Variants in LIMD1 observed in about 807,000 individuals in gnomAD.
LIMD1 encodes the protein LIM domain containing 1.
In LIMD1, 23 loss-of-function variants were observed where a neutral mutation model predicts 58.4. The ratio of observed to expected loss-of-function variants is 0.39; its 90% CI spans 0.28 to 0.56. The LOEUF (loss-of-function observed/expected upper bound fraction) is 0.56. LIMD1 is among the 20% of genes least tolerant of loss of function. The probability of loss-of-function intolerance (pLI) is 0.57; values close to 1 mark genes in which losing one functional copy is unlikely to be tolerated. For synonymous variants in LIMD1, 334 were observed against 345.5 expected, an observed-to-expected ratio of 0.97 and a Z score of 0.37; for missense variants, 838 against 855.5, an observed-to-expected ratio of 0.98 and a Z score of 0.25.
At chr3:45,632,459 T>TG in intron 1 of LIMD1, 1 of 951,784 alleles carries the variant, frequency 1.1e-6, no homozygotes. Context: ...TGTCTGTGGC[T>TG]GGGGGTGTTC....
chr3:45,671,639 T>G (rs555407065), intron 4 of LIMD1, among the ~76,000 whole-genome samples: 1 of 152,348 alleles, frequency 6.6e-6, no homozygotes, highest in Non-Finnish European at 1.5e-5. Flanking sequence ...GTTAAACCAA[T>G]GATCCTCCAA....
At chr3:45,639,636 C>G (rs1390890384) in intron 2 of LIMD1, among the ~76,000 whole-genome samples, 1 of 152,110 alleles carries the variant, frequency 6.6e-6, no homozygotes, top group Non-Finnish European at 1.5e-5. Flanking sequence ...GGCCCTACCC[C>G]CTAATCCCGT....
intron 1 of LIMD1, among the ~76,000 whole-genome samples, chr3:45,607,950 C>G (rs975691311): frequency 2.9e-4 from 44 of 152,364 alleles, no homozygotes; most frequent in Non-Finnish European, 4.7e-4. Context: ...GGTTTTGCAT[C>G]TGCCAAAATG....
At chr3:45,622,407 CTT>C (rs1481175358) in intron 1 of LIMD1, among the ~76,000 whole-genome samples, 4 of 152,200 alleles carry the variant, frequency 2.6e-5, no homozygotes, top group African/African-American at 9.7e-5. Context: ...CACACTGTGA[CTT>C]TTCCTGTACA....
intron 2 of LIMD1, among the ~76,000 whole-genome samples, chr3:45,645,065 T>A (rs762711893): frequency 6.6e-6 from 1 of 152,108 alleles, no homozygotes; most frequent in Non-Finnish European, 1.5e-5. Context: ...ATCAAGAATG[T>A]GAGAAAGGAA....
In LIMD1 at chr3:45,673,450, A is replaced by C. The variant is rs567286806; in HGVS notation, c.1773-4A>C. Reference sequence around the variant, plus strand: ...ATTTATTGCTGCTTTGTTTCTCCCCACAGGGTGCTGGCCCCCAAGTGTGCA... The same window carrying C: ...ATTTATTGCTGCTTTGTTTCTCCCCCCAGGGTGCTGGCCCCCAAGTGTGCA... On this transcript the variant is annotated splice_polypyrimidine_tract_variant and splice_region_variant and intron_variant, in intron 5 of 7. Transcript: ENST00000273317. The C allele has an allele frequency of 6.2e-7, 1 of 1,613,690 alleles. No individual in the cohort carries two copies. Among genetic ancestry groups the C allele is most frequent in the Non-Finnish European group, 8.5e-7 (1 of 1,179,660 alleles).
chr3:45,598,934 T>A (rs1055983445), intron 1 of LIMD1, among the ~76,000 whole-genome samples: 1 of 152,178 alleles, frequency 6.6e-6, no homozygotes. Context: ...CCTTGGAAGC[T>A]GGTTCTGCCA....
Position 45,617,072 on chromosome 3 carries a change from C to T in LIMD1, c.1409-19078C>T, listed in dbSNP as rs373735733. Among the ~76,000 whole-genome samples, 3 of 135,364 alleles carry T rather than the reference C, an allele frequency of 2.2e-5. No homozygotes were observed. The East Asian group carries it at 6.9e-4, about 31-fold the overall frequency. 88.8% of individuals were successfully genotyped at this position (135,364 alleles called of 152,430 possible). A position where few individuals can be genotyped will look rare whatever the true frequency, so the allele number is the denominator to read the frequency against. On this transcript the variant is annotated intron_variant, in intron 1 of 7. Transcript: ENST00000273317. ...TTTTTGAGACAGAGTCTAGCTCTGTCGCCCAGGCTGGAGTGCAGTGGCACC... is the reference window on the plus strand; with the variant it reads ...TTTTTGAGACAGAGTCTAGCTCTGTTGCCCAGGCTGGAGTGCAGTGGCACC...
intron 2 of LIMD1, among the ~76,000 whole-genome samples, chr3:45,659,379 A>T (rs556873510): frequency 1.3e-5 from 2 of 152,286 alleles, no homozygotes; most frequent in South Asian, 2.1e-4. Flanking sequence ...TGAGCCCAGG[A>T]GTTGTTGACT....
chr3:45,643,691 G>A (rs901999205), intron 2 of LIMD1, among the ~76,000 whole-genome samples: 3 of 152,154 alleles, frequency 2.0e-5, no homozygotes, highest in Admixed American at 1.3e-4. Flanking sequence ...TACTCTCCCC[G>A]CCAGAAGCCC....
chr3:45,607,973 T>C (rs1701484795), intron 1 of LIMD1, among the ~76,000 whole-genome samples: 1 of 152,204 alleles, frequency 6.6e-6, no homozygotes, highest in Non-Finnish European at 1.5e-5. Context: ...GCCTGTTCCC[T>C]CCCCTCCTGC....
intron 1 of LIMD1, among the ~76,000 whole-genome samples, chr3:45,630,744 A>G (rs907540819): frequency 2.6e-4 from 40 of 152,260 alleles, no homozygotes; most frequent in African/African-American, 9.1e-4. Flanking sequence ...TGGCAGGAAT[A>G]GCCACAGCTG....
intron 1 of LIMD1, among the ~76,000 whole-genome samples, chr3:45,632,338 G>T (rs1020816850): frequency 6.6e-6 from 1 of 152,184 alleles, no homozygotes. Context: ...TTTTCGGAAA[G>T]ATTTCTCCCC....
chr3:45,625,085 A>C lies in LIMD1; in HGVS notation c.1409-11065A>C, dbSNP rs1251942014. On this transcript the variant is annotated intron_variant, in intron 1 of 7. Transcript: ENST00000273317. ...GTTTTGCCGTATGTTAATGGTTTTCAGATAATCTTCCTGGAACCACTGCAG... is the reference window on the plus strand; with the variant it reads ...GTTTTGCCGTATGTTAATGGTTTTCCGATAATCTTCCTGGAACCACTGCAG... Among the ~76,000 whole-genome samples, 465 of 152,212 alleles carry C rather than the reference A, an allele frequency of 3.1e-3. 4 individuals carry two copies. Among genetic ancestry groups the C allele is most frequent in the African/African-American group, 0.01 (428 of 41,520 alleles).
intron 1 of LIMD1, among the ~76,000 whole-genome samples, chr3:45,627,789 C>G (rs1453581693): frequency 1.3e-5 from 2 of 150,492 alleles, no homozygotes; most frequent in African/African-American, 4.9e-5. Flanking sequence ...GGGTGGATCA[C>G]TTGAGGTCAG....
chr3:45,610,988 A>G (rs1347453612), intron 1 of LIMD1, among the ~76,000 whole-genome samples: 1 of 152,222 alleles, frequency 6.6e-6, no homozygotes, highest in Non-Finnish European at 1.5e-5. Flanking sequence ...CTTCCTAAGT[A>G]TGGATACTTG....
chr3:45,670,443 A>G lies in LIMD1; in HGVS notation c.1641+2087A>G, dbSNP rs550671894. On this transcript the variant is annotated intron_variant, in intron 4 of 7. Coordinates refer to ENST00000273317, the MANE Select transcript of LIMD1 (RefSeq NM_014240.3). ...ATTTAGGTCAGGGTTTAGCAGGCCAATTCTTCTGCTCTGTGTGGCATTGGC... is the reference window on the plus strand; with the variant it reads ...ATTTAGGTCAGGGTTTAGCAGGCCAGTTCTTCTGCTCTGTGTGGCATTGGC... Among the ~76,000 whole-genome samples, 19 of 152,264 alleles carry G rather than the reference A, an allele frequency of 1.2e-4. No individual in the cohort carries two copies. The South Asian group carries it at 3.3e-3, about 27-fold the overall frequency.
chr3:45,651,575 A>G (rs1034930371), intron 2 of LIMD1, among the ~76,000 whole-genome samples: 2 of 152,146 alleles, frequency 1.3e-5, no homozygotes, highest in African/African-American at 2.4e-5. Context: ...TCCCAGCACC[A>G]TTAAGTAGGG....
intron 1 of LIMD1, among the ~76,000 whole-genome samples, chr3:45,618,884 G>A (rs1701603071): frequency 2.0e-5 from 3 of 152,180 alleles, no homozygotes; most frequent in African/African-American, 7.2e-5. Context: ...TGGTCCTTAG[G>A]TTCAGCAAGA....
Sources: allele counts gnomAD v4.1 joint callset (sites outside exome capture counted in the v4.1 genomes callset), GRCh38; gene constraint gnomAD v4.1.1; transcripts MANE v1.5; gene names NCBI Gene and HGNC (gene_info 2026-07-23, HGNC 2026-07-21).